Variants in NHS observed in about 807,000 individuals in gnomAD.
The protein encoded by NHS is NHS actin remodeling regulator.
Under a neutral mutation model 72.5 loss-of-function variants are expected in NHS, and 5 were observed. That is an observed-to-expected ratio of 0.07 (90% CI 0.04 to 0.14). The LOEUF (loss-of-function observed/expected upper bound fraction) is 0.14, where lower values mean the gene tolerates loss of function less well. NHS is among the 10% of genes least tolerant of loss of function. The pLI, the probability that NHS is intolerant of heterozygous loss-of-function variation, is 1.00. For missense variants in NHS, 1,072 were observed against 1,355.7 expected, an observed-to-expected ratio of 0.79 and a Z score of 3.29; for synonymous variants, 464 against 547.7, an observed-to-expected ratio of 0.85 and a Z score of 2.13.
Position 17,578,153 on chromosome X carries a change from A to T in NHS, c.566-109589A>T, listed in dbSNP as rs1278679646. Reference sequence around the variant, plus strand: ...AAGGGTGTACACAATAGAGGCTATAACAGCTTCTCTGAACAATCCTGTGGT... The same window carrying T: ...AAGGGTGTACACAATAGAGGCTATATCAGCTTCTCTGAACAATCCTGTGGT... On this transcript the variant is annotated intron_variant, in intron 1 of 8. Transcript: ENST00000676302. 7.1e-5 allele frequency among the ~76,000 whole-genome samples: 8 copies of T among 112,554 alleles called. No homozygotes were observed. In the Admixed American group the frequency reaches 7.5e-4, roughly 11 times the overall value.
intron 1 of NHS, among the ~76,000 whole-genome samples, chrX:17,518,453 T>C (rs770470515): frequency 5.5e-4 from 62 of 112,055 alleles, no homozygotes; most frequent in Non-Finnish European, 1.1e-3. Context: ...ATAGCTGTCA[T>C]GGCCTGCCTC....
chrX:17,503,624 T>C (rs1004028076), intron 1 of NHS, among the ~76,000 whole-genome samples: 1 of 111,780 alleles, frequency 8.9e-6, no homozygotes, highest in Non-Finnish European at 1.9e-5. Flanking sequence ...ACTAGCACTG[T>C]TTTCTCTCTG....
intron 1 of NHS, among the ~76,000 whole-genome samples, chrX:17,645,056 A>G (rs1055154822): frequency 1.5e-4 from 17 of 112,016 alleles, no homozygotes; most frequent in African/African-American, 5.5e-4. Context: ...TTCAAGTGAT[A>G]TCAGACATAA....
chrX:17,561,166 C>T (rs889686244), intron 1 of NHS, among the ~76,000 whole-genome samples: 100 of 112,795 alleles, frequency 8.9e-4, no homozygotes, highest in African/African-American at 3.1e-3. Flanking sequence ...GGTCCATGAG[C>T]TTAATCTTGT....
chrX:17,696,096 A>C (rs1431511499), intron 3 of NHS, among the ~76,000 whole-genome samples: 1 of 111,911 alleles, frequency 8.9e-6, no homozygotes, highest in Non-Finnish European at 1.9e-5. Context: ...TGCACATAGC[A>C]TCTCAACCTT....
Position 17,436,164 on chromosome X carries a change from TA to T in NHS, c.565+59850del, listed in dbSNP as rs375295418. Among the ~76,000 whole-genome samples the T allele has an allele frequency of 3.5e-3, 396 of 111,634 alleles. 2 individuals are homozygous for T. The highest frequency in any genetic ancestry group is 6.4e-3 in the Non-Finnish European group (338 of 53,108). ...TTGTTGTTGTTTGTTTGTTTGTTTT[TA>T]AAAAAAACTTCAAAAAGTTGGGGCT... On this transcript the variant is annotated intron_variant, in intron 1 of 8. Transcript: ENST00000676302.
chrX:17,720,633 A>G (rs1326847900), intron 4 of NHS, among the ~76,000 whole-genome samples: 1 of 112,438 alleles, frequency 8.9e-6, no homozygotes, highest in Non-Finnish European at 1.9e-5. Context: ...ATATTTATCA[A>G]AAGTTTGGAT....
intron 1 of NHS, among the ~76,000 whole-genome samples, chrX:17,594,203 A>G (rs900038049): frequency 1.8e-5 from 2 of 112,451 alleles, no homozygotes; most frequent in Non-Finnish European, 3.8e-5. Context: ...ACTTTATATA[A>G]TAAGTCCATG....
intron 1 of NHS, among the ~76,000 whole-genome samples, chrX:17,497,204 G>A (rs894766710): frequency 8.9e-6 from 1 of 111,854 alleles, no homozygotes; most frequent in South Asian, 3.7e-4. Flanking sequence ...AATACACATG[G>A]CAGCATTTGA....
chrX:17,379,558 T>C (rs980557315), intron 1 of NHS, among the ~76,000 whole-genome samples: 3 of 111,886 alleles, frequency 2.7e-5, no homozygotes, highest in Non-Finnish European at 5.6e-5. Context: ...GCAGATCGCC[T>C]GAGGTCAGGA....
chrX:17,579,647 C>G (rs899187302), intron 1 of NHS, among the ~76,000 whole-genome samples: 4 of 111,449 alleles, frequency 3.6e-5, no homozygotes, highest in Middle Eastern at 4.6e-3. Context: ...CGGATCCAGA[C>G]GGAAACAGTG....
In NHS at chrX:17,733,921, T is replaced by C. The variant is rs1267267323; in HGVS notation, c.*1457T>C. ...GCTGAATTACTTGAAATTACTTGAATTTTCTTGTCTTAAAACTGAAAAAAA... is the reference window on the plus strand; with the variant it reads ...GCTGAATTACTTGAAATTACTTGAACTTTCTTGTCTTAAAACTGAAAAAAA... On this transcript the variant is annotated 3_prime_UTR_variant, in exon 9 of 9. Coordinates refer to ENST00000676302, the MANE Select transcript of NHS (RefSeq NM_001291867.2). 1 of 111,836 alleles carries C rather than the reference T, an allele frequency of 8.9e-6. No homozygotes were observed. Among genetic ancestry groups the C allele is most frequent in the African/African-American group, 3.3e-5 (1 of 30,599 alleles). The allele number at this position is 111,836 out of a possible 1,213,427, so 9.2% of individuals were successfully genotyped here. A position where few individuals can be genotyped will look rare whatever the true frequency, so the allele number is the denominator to read the frequency against.
intron 1 of NHS, among the ~76,000 whole-genome samples, chrX:17,622,488 C>T (rs2065778765): frequency 8.9e-6 from 1 of 112,107 alleles, no homozygotes; most frequent in Non-Finnish European, 1.9e-5. Flanking sequence ...TCACTTCCTC[C>T]AACAAAAGCA....
intron 1 of NHS, among the ~76,000 whole-genome samples, chrX:17,561,574 G>GCGCGCACACA (rs879101977): frequency 2.0e-4 from 13 of 65,401 alleles, no homozygotes; most frequent in East Asian, 1.2e-3. Flanking sequence ...GCGCGCGCGC[G>GCGCGCACACA]CACACACACA....
intron 1 of NHS, among the ~76,000 whole-genome samples, chrX:17,584,581 AC>A (rs1002256180): frequency 2.7e-5 from 3 of 112,229 alleles, no homozygotes; most frequent in African/African-American, 9.7e-5. Flanking sequence ...ATATGAACAA[AC>A]CTTGTTAGAC....
chrX:17,689,011 C>T (rs1281923636), intron 2 of NHS, among the ~76,000 whole-genome samples: 1 of 112,240 alleles, frequency 8.9e-6, no homozygotes, highest in African/African-American at 3.2e-5. Context: ...ATTCCCTACA[C>T]TCTTTTAAGA....
chrX:17,412,389 G>C (rs2064564301), intron 1 of NHS, among the ~76,000 whole-genome samples: 1 of 110,391 alleles, frequency 9.1e-6, no homozygotes, highest in Non-Finnish European at 1.9e-5. Flanking sequence ...GAACCCAGGA[G>C]TTCAAGACCA....
chrX:17,615,259 CACATATATAT>C (rs2065739127), intron 1 of NHS, among the ~76,000 whole-genome samples: 1 of 94,925 alleles, frequency 1.1e-5, no homozygotes, highest in South Asian at 4.5e-4. Flanking sequence ...CACATATATA[CACATATATAT>C]ATATATATGG....
intron 1 of NHS, among the ~76,000 whole-genome samples, chrX:17,608,007 C>T (rs748281658): frequency 7.6e-5 from 8 of 104,766 alleles, no homozygotes; most frequent in Non-Finnish European, 1.6e-4. Context: ...CAGCTTCCAT[C>T]TCCTGGGCTC....
Sources: gnomAD v4.1 joint callset for allele counts (sites outside exome capture counted in the v4.1 genomes callset) on GRCh38, gnomAD v4.1.1 for gene constraint, MANE v1.5 for transcripts, NCBI Gene and HGNC (gene_info 2026-07-23, HGNC 2026-07-21) for gene names.